AARSD1: variants seen among roughly 807,000 people sequenced by gnomAD.
AARSD1 encodes the protein alanyl-tRNA editing protein Aarsd1.
In AARSD1, 44 loss-of-function variants were observed where a neutral mutation model predicts 48.7. The ratio of observed to expected loss-of-function variants is 0.90; its 90% CI spans 0.71 to 1.16. The LOEUF is 1.16. Among genes scored for constraint, AARSD1 ranks in the 50% most tolerant of loss-of-function variants. The pLI, the probability that AARSD1 is intolerant of heterozygous loss-of-function variation, is 0.00. For missense variants in AARSD1, 511 were observed against 523.1 expected (o/e 0.98, Z 0.23); for synonymous variants, 189 against 194.9 (o/e 0.97, Z 0.25).
At position 42,954,793 on chromosome 17, in the gene AARSD1, A is replaced by G. The variant is rs1215116116; in HGVS notation, c.953+83T>C. The G allele has an allele frequency of 1.0e-5, 15 of 1,435,120 alleles. No homozygotes were observed. The Admixed American group carries it at 2.2e-4, about 21-fold the overall frequency. 88.9% of individuals were successfully genotyped at this position (1,435,120 alleles called of 1,614,324 possible). A position where few individuals can be genotyped will look rare whatever the true frequency, so the allele number is the denominator to read the frequency against. The stretch of plus-strand genomic sequence containing the variant: ...AATACCAGTGAGCAATCCACCTCCC[A>G]CTGTACATTGCATATAGAGAAGACA... On this transcript the variant is annotated intron_variant, in intron 9 of 11. Transcript: ENST00000427569.
intron 9 of AARSD1, chr17:42,954,132 T>C (rs1025497298): frequency 2.4e-5 from 5 of 209,890 alleles, no homozygotes; most frequent in East Asian, 1.1e-4. Context: ...GGTGGGCAGA[T>C]TGCTTGAGGT....
chr17:42,961,673 G>C (rs896611671), intron 2 of AARSD1, among the ~76,000 whole-genome samples: 1 of 152,082 alleles, frequency 6.6e-6, no homozygotes, highest in Non-Finnish European at 1.5e-5. Context: ...TCTCTAAAAT[G>C]ATCTGATTTT....
At chr17:42,962,885 T>C (rs566420113) in intron 2 of AARSD1, among the ~76,000 whole-genome samples, 1 of 152,118 alleles carries the variant, frequency 6.6e-6, no homozygotes, top group East Asian at 1.9e-4. Flanking sequence ...CAGCCAAGCA[T>C]GTTGGTTGTG....
intron 7 of AARSD1, 179 bp downstream of exon 7, chr17:42,955,663 G>C: frequency 1.0e-6 from 1 of 982,822 alleles, no homozygotes; most frequent in South Asian, 1.6e-5. Flanking sequence ...GGAAGGTCTT[G>C]ATCTCCTGAC....
intron 7 of AARSD1, 110 bp downstream of exon 7, chr17:42,955,732 C>T (rs1052667674): frequency 2.8e-5 from 43 of 1,549,370 alleles, no homozygotes; most frequent in Non-Finnish European, 3.3e-5. Context: ...TGGGCCACCA[C>T]GCCTGGCCGC....
intron 3 of AARSD1, among the ~76,000 whole-genome samples, chr17:42,959,350 G>C (rs1230393029): frequency 6.6e-6 from 1 of 151,272 alleles, no homozygotes; most frequent in Non-Finnish European, 1.5e-5. Context: ...TGAGTGGCTG[G>C]GACTACAGGC....
Position 42,961,187 on chromosome 17 carries a change from T to C in AARSD1, c.331+5A>G. On this transcript the variant is annotated splice_donor_5th_base_variant and intron_variant, in intron 3 of 11. Coordinates refer to ENST00000427569, the MANE Select transcript of AARSD1 (RefSeq NM_001261434.2). ...CGGTGTTATGTCCCCCATCCCAGCC[T>C]TTACCTGAATGCTGCTGCATGTGGT... The C allele has an allele frequency of 6.2e-7, 1 of 1,608,360 alleles. No homozygotes were observed. The highest frequency in any genetic ancestry group is 1.3e-5 in the African/African-American group (1 of 74,880).
chr17:42,953,752 T>C lies in AARSD1; in HGVS notation c.980A>G (p.Asn327Ser). The change falls in exon 10 of 12, where the codon AAT becomes AGT. Residue 327 changes from asparagine to serine, a missense_variant. Coordinates refer to ENST00000427569, the MANE Select transcript of AARSD1 (RefSeq NM_001261434.2). ...TGACCCAATCTCATTGGCAATGATA[T>C]TCATGAACTCTGAATCACCCTCCTT... ...HRKEGDSEFM[N>S]IIANEIGSEE... 1 of 1,614,142 alleles carries C rather than the reference T, an allele frequency of 6.2e-7. No individual in the cohort carries two copies. The highest frequency in any genetic ancestry group is 1.3e-5 in the African/African-American group (1 of 75,054).
rs771140509 is a variant in AARSD1 at position 42,953,792 on chromosome 17, C to G, written c.954-14G>C. 2 of 1,613,836 alleles carry G rather than the reference C, an allele frequency of 1.2e-6. No homozygotes were observed. Among genetic ancestry groups the G allele is most frequent in the East Asian group, 4.5e-5 (2 of 44,884 alleles). ...TCACCCTCCTTCCTACAACAAAGGA[C>G]ACAGACATGAGACCCAGGTTGGAGT... On this transcript the variant is annotated splice_polypyrimidine_tract_variant and intron_variant, in intron 9 of 11. Transcript: ENST00000427569.
rs376716937 is a variant in AARSD1, at chr17:42,955,152, A to G, written c.861+6T>C. ...TGCCCTCTCTACCCTCCATGGAATA[A>G]ATCACCTTCTGCAGGATCTTGGTGG... On this transcript the variant is annotated splice_donor_region_variant and intron_variant, in intron 8 of 11. Coordinates refer to ENST00000427569, the MANE Select transcript of AARSD1 (RefSeq NM_001261434.2). 1 of 1,614,068 alleles carries G rather than the reference A, an allele frequency of 6.2e-7. No individual in the cohort carries two copies. The highest frequency in any genetic ancestry group is 8.5e-7 in the Non-Finnish European group (1 of 1,179,996).
In AARSD1 at chr17:42,951,789, C is replaced by G; in HGVS notation, c.1103+11G>C. On this transcript the variant is annotated intron_variant, in intron 11 of 11. Coordinates refer to ENST00000427569, the MANE Select transcript of AARSD1 (RefSeq NM_001261434.2). Reference sequence around the variant, plus strand: ...TCTACTACATGTGCAAGAGAGTCCACAAAGAATTACCTGGGCCCCAGGGTC... The same window carrying G: ...TCTACTACATGTGCAAGAGAGTCCAGAAAGAATTACCTGGGCCCCAGGGTC... 2 of 1,614,008 alleles carry G rather than the reference C, an allele frequency of 1.2e-6. No individual in the cohort carries two copies. The highest frequency in any genetic ancestry group is 1.7e-6 in the Non-Finnish European group (2 of 1,179,966).
In AARSD1 at chr17:42,959,422, G is replaced by C. The variant is rs535521789; in HGVS notation, c.331+1770C>G. 5.3e-5 allele frequency among the ~76,000 whole-genome samples: 8 copies of C among 151,650 alleles called. No homozygotes were observed. In the South Asian group the frequency reaches 1.7e-3, roughly 32 times the overall value. ...GTAGAGACAGGGTTTCACAATGTTG[G>C]CCAGGCTGGTCTCGAACTCCTGGCC... On this transcript the variant is annotated intron_variant, in intron 3 of 11. Coordinates refer to ENST00000427569, the MANE Select transcript of AARSD1 (RefSeq NM_001261434.2).
Position 42,964,111 on chromosome 17 carries a change from C to T in AARSD1, c.166G>A (p.Gly56Arg). ...GGAAGAGATCGTTTTGGTACCTGTC[C>T]CCCGCCCTCAGGGAAAAGCACTGTG... is the stretch of plus-strand genomic sequence containing the variant. ...EDTVLFPEGG[G>R]QPDDRGTIND... The change falls in exon 2 of 12, where the codon GGA becomes AGA. Residue 56 changes from glycine to arginine, a missense_variant. Coordinates refer to ENST00000427569, the MANE Select transcript of AARSD1 (RefSeq NM_001261434.2). 2 of 1,614,144 alleles carry T rather than the reference C, an allele frequency of 1.2e-6. No homozygotes were observed. Among genetic ancestry groups the T allele is most frequent in the South Asian group, 1.1e-5 (1 of 91,084 alleles).
At chr17:42,955,997 A>C in intron 6 of AARSD1, 25 bp from the exon 7 acceptor site, 1 of 1,613,906 alleles carries the variant, frequency 6.2e-7, no homozygotes, top group South Asian at 1.1e-5. Flanking sequence ...GGGGTAACAC[A>C]CACACACACG....
chr17:42,959,346 GCTGGGA>G (rs1326546189), intron 3 of AARSD1, among the ~76,000 whole-genome samples: 12 of 151,642 alleles, frequency 7.9e-5, no homozygotes, highest in African/African-American at 2.9e-4. Context: ...CTCCTGAGTG[GCTGGGA>G]CTACAGGCAT....
Position 42,955,930 on chromosome 17 carries a change from T to A in AARSD1, c.706A>T (p.Thr236Ser). ...LGTEKGKKNRTNLIFLSGNRV... is the reference protein window; with the variant it reads ...LGTEKGKKNRSNLIFLSGNRV... ...TTCCCAGACAGAAATATCAGGTTGG[T>A]TCTGTTCTTTTTCCCCTTCTCAGTG... is the stretch of plus-strand genomic sequence containing the variant. The change falls in exon 7 of 12, where the codon ACC (threonine) becomes TCC (serine). Residue 236 changes from threonine to serine, a missense_variant. Transcript: ENST00000427569. The A allele has an allele frequency of 6.2e-7, 1 of 1,614,070 alleles. No homozygotes were observed. The highest frequency in any genetic ancestry group is 8.5e-7 in the Non-Finnish European group (1 of 1,180,010).
intron 2 of AARSD1, chr17:42,962,169 G>T: frequency 3.9e-6 from 1 of 253,640 alleles, no homozygotes; most frequent in Non-Finnish European, 8.2e-6. Context: ...GCATGGTGGT[G>T]CACACCTGTA....
chr17:42,962,215 G>T, intron 2 of AARSD1: 1 of 305,742 alleles, frequency 3.3e-6, no homozygotes, highest in South Asian at 2.3e-5. Flanking sequence ...CAGGGGAATT[G>T]CTTGAACCTG....
At chr17:42,962,718 C>CA (rs1465542528) in intron 2 of AARSD1, among the ~76,000 whole-genome samples, 2 of 152,172 alleles carry the variant, frequency 1.3e-5, no homozygotes, top group African/African-American at 4.8e-5. Flanking sequence ...CATGTTCTCT[C>CA]ATGTCACTTA....
Sources: allele counts gnomAD v4.1 joint callset (sites outside exome capture counted in the v4.1 genomes callset), GRCh38; gene constraint gnomAD v4.1.1; transcripts MANE v1.5; gene names NCBI Gene and HGNC (gene_info 2026-07-23, HGNC 2026-07-21).